ZNF646: variants seen among roughly 807,000 people sequenced by gnomAD.
ZNF646 encodes the protein zinc finger protein 646.
In ZNF646, 49 loss-of-function variants were observed where a neutral mutation model predicts 115.4. The observed-to-expected ratio is 0.42, with a 90% CI of 0.34 to 0.54. The LOEUF (loss-of-function observed/expected upper bound fraction) is 0.54. Ranked by LOEUF, ZNF646 falls within the 20% of genes least tolerant of loss-of-function variation. The pLI is 0.04. For synonymous variants in ZNF646, 933 were observed against 939.0 expected (o/e 0.99, Z 0.12); for missense variants, 2,269 against 2,457.9 (o/e 0.92, Z 1.62).
chr16:31,080,943 A>G lies in ZNF646; in HGVS notation c.4619A>G (p.Tyr1540Cys). 1 of 1,614,146 alleles carries G rather than the reference A, an allele frequency of 6.2e-7. No individual in the cohort carries two copies. The highest frequency in any genetic ancestry group is 8.5e-7 in the Non-Finnish European group (1 of 1,180,024). The change falls in exon 2 of 3, where the codon TAC becomes TGC. Residue 1540 changes from tyrosine to cysteine, a missense_variant. Physicochemically the swap from Tyr to Cys is radical, Grantham distance 194. This residue lies in a region of ZNF646 where 1,062 missense variants were observed against 1,172.8 expected (regional missense o/e 0.91). Coordinates refer to ENST00000300850, the MANE Select transcript of ZNF646 (RefSeq NM_014699.4). ...TCTTGCAGCCAGTGTGGCAAGACTT[A>G]CTGCCAGTCAGGCAGCCTCTTGAAC... is the stretch of plus-strand genomic sequence containing the variant. ...HSSCSQCGKTYCQSGSLLNHN... is the reference protein window; with the variant it reads ...HSSCSQCGKTCCQSGSLLNHN...
Position 31,081,589 on chromosome 16 carries a change from AC to A in ZNF646, c.5269del (p.Arg1757GlyfsTer43). 1.2e-6 allele frequency: 2 copies of A among 1,609,038 alleles called. No individual in the cohort carries two copies. The highest frequency in any genetic ancestry group is 1.7e-6 in the Non-Finnish European group (2 of 1,178,852). On this transcript the variant is annotated frameshift_variant, in exon 2 of 3. Transcript: ENST00000300850. LOFTEE classifies it high-confidence loss of function. ...TGGAGGGCCACGGGCGGGTCCATGC[AC>A]CCCGGGAGGGGCCTTTCACCTGCCC... ...RLEGHGRVHA[P>X]REGPFTCPHC...
Position 31,078,202 on chromosome 16 carries a change from T to C in ZNF646, c.1878T>C (p.Tyr626=). 6.2e-7 allele frequency: 1 copy of C among 1,614,086 alleles called. No individual in the cohort carries two copies. Among genetic ancestry groups the C allele is most frequent in the Non-Finnish European group, 8.5e-7 (1 of 1,180,050 alleles). Residue 626 remains tyrosine, a synonymous_variant, in exon 2 of 3, where the codon TAT becomes TAC. Transcript: ENST00000300850. ...AFACRDCGKS[Y]RHSGSLINHR... Reference sequence around the variant, plus strand: ...CCTGCCGAGACTGTGGAAAGAGCTATCGCCACTCAGGCAGCCTTATCAACC... The same window carrying C: ...CCTGCCGAGACTGTGGAAAGAGCTACCGCCACTCAGGCAGCCTTATCAACC...
chr16:31,082,514 C>A, intron 2 of ZNF646: 1 of 213,798 alleles, frequency 4.7e-6, no homozygotes, highest in Non-Finnish European at 1.0e-5. Context: ...TGTCACATCC[C>A]TGATCAGAGG....
chr16:31,082,196 C>T (rs903955367), intron 2 of ZNF646: 9 of 192,380 alleles, frequency 4.7e-5, no homozygotes, highest in East Asian at 1.6e-4. Flanking sequence ...GACTTGGCCA[C>T]GGAAACTGGT....
chr16:31,076,270 G>C lies in ZNF646; in HGVS notation c.-55G>C, dbSNP rs1002731217. 9 of 1,542,260 alleles carry C rather than the reference G, an allele frequency of 5.8e-6. No homozygotes were observed. The highest frequency in any genetic ancestry group is 1.9e-5 in the Admixed American group (1 of 51,592). Reference sequence around the variant, plus strand: ...GGCCTTGGCCCCTCCACCAGAGGAAGGTGCTGCCACGTGTCTGCTCCTTCT... The same window carrying C: ...GGCCTTGGCCCCTCCACCAGAGGAACGTGCTGCCACGTGTCTGCTCCTTCT... On this transcript the variant is annotated 5_prime_UTR_variant, in exon 2 of 3. Coordinates refer to ENST00000300850, the MANE Select transcript of ZNF646 (RefSeq NM_014699.4).
In ZNF646 at chr16:31,077,034, G is replaced by A. The variant is rs760481853; in HGVS notation, c.710G>A (p.Arg237Gln). The A allele has an allele frequency of 7.4e-6, 12 of 1,613,834 alleles. No homozygotes were observed. The highest frequency in any genetic ancestry group is 1.3e-5 in the African/African-American group (1 of 74,908). ...CAGTCCCCTCCTGCTGAGGAGGAGCGGCGGTACAAATGTAGTCAGTGTGGC... is the reference window on the plus strand; with the variant it reads ...CAGTCCCCTCCTGCTGAGGAGGAGCAGCGGTACAAATGTAGTCAGTGTGGC... ...PTQSPPAEEE[R>Q]RYKCSQCGKT... is the part of the protein sequence containing the mutation. The change falls in exon 2 of 3, where the codon CGG (arginine) becomes CAG (glutamine). Residue 237 changes from arginine (R) to glutamine (Q), a missense_variant. Arg to Gln is a conservative substitution (Grantham distance 43, BLOSUM62 1). Around this residue, in one of 5 missense-constraint regions of ZNF646, gnomAD observed 334 missense variants for 323.5 expected, o/e 1.03. Transcript: ENST00000300850.
chr16:31,081,348 G>A lies in ZNF646; in HGVS notation c.5024G>A (p.Arg1675Gln). 1.9e-6 allele frequency: 3 copies of A among 1,613,940 alleles called. No individual in the cohort carries two copies. Among genetic ancestry groups the A allele is most frequent in the Non-Finnish European group, 1.7e-6 (2 of 1,179,900 alleles). Residue 1675 changes from arginine to glutamine, a missense_variant, in exon 2 of 3, where the codon CGG becomes CAG. Coordinates refer to ENST00000300850, the MANE Select transcript of ZNF646 (RefSeq NM_014699.4). ...TCCATGGCGGCTGAGGACAAGGAGC[G>A]GCCCTTCCGCTGCACCCAGTGCGGG... ...VTSMAAEDKE[R>Q]PFRCTQCGRS... is the part of the protein sequence containing the mutation.
rs140829625 is a variant in ZNF646 at position 31,079,482 on chromosome 16, G to T, written c.3158G>T (p.Arg1053Leu). ...TTGGAGGCTCAGCCCCGCCCCTTCC[G>T]CTGCAACCAGTGTGGCAAGACCTAT... ...SLLEAQPRPF[R>L]CNQCGKTYRH... Residue 1053 changes from arginine (R) to leucine (L), a missense_variant, in exon 2 of 3, where the codon CGC becomes CTC. Coordinates refer to ENST00000300850, the MANE Select transcript of ZNF646 (RefSeq NM_014699.4). This position sits in a 1 kb window ranked among gnomAD's most constrained non-coding sequence, Gnocchi z 5.5. The T allele has an allele frequency of 1.2e-6, 2 of 1,613,392 alleles. No homozygotes were observed. The highest frequency in any genetic ancestry group is 8.5e-7 in the Non-Finnish European group (1 of 1,179,884).
chr16:31,081,844 A>T (rs1380046854), intron 2 of ZNF646, 143 bp downstream of exon 2: 2 of 1,337,084 alleles, frequency 1.5e-6, no homozygotes, highest in Admixed American at 2.9e-5. Context: ...CTATGGGGTG[A>T]GAGAAGTAGC....
chr16:31,079,291 TC>T lies in ZNF646; in HGVS notation c.2970del (p.Ser991AlafsTer21). On this transcript the variant is annotated frameshift_variant, in exon 2 of 3. Transcript: ENST00000300850. LOFTEE classifies it high-confidence loss of function. This position sits in a 1 kb window ranked among gnomAD's most constrained non-coding sequence, Gnocchi z 5.5. ...QSSGTTADKA[P>X]SPLGVAGDAM... The stretch of plus-strand genomic sequence containing the variant: ...GTTCTGGGACTACTGCAGACAAGGC[TC>T]CCAGCCCCTTGGGAGTGGCAGGTGA... 6.2e-7 allele frequency: 1 copy of T among 1,613,580 alleles called. No individual in the cohort carries two copies. The highest frequency in any genetic ancestry group is 8.5e-7 in the Non-Finnish European group (1 of 1,179,644).
rs1207702835 is a variant in ZNF646, at chr16:31,083,523, G to A, written c.*431G>A. The A allele has an allele frequency of 5.8e-6, 8 of 1,373,274 alleles. 1 individual carries two copies. In the South Asian group the frequency reaches 1.1e-4, roughly 19 times the overall value. 85.1% of individuals were successfully genotyped at this position (1,373,274 alleles called of 1,614,324 possible). Reference sequence around the variant, plus strand: ...AAATTTTCAAAACAACGTGGCTGGCGTGATTGTATCTGAAAGGGTAAAGGA... The same window carrying A: ...AAATTTTCAAAACAACGTGGCTGGCATGATTGTATCTGAAAGGGTAAAGGA... On this transcript the variant is annotated 3_prime_UTR_variant, in exon 3 of 3. Transcript: ENST00000300850.
intron 1 of ZNF646, 61 bp from the exon 2 acceptor site, chr16:31,076,185 G>T (rs561223657): frequency 8.4e-7 from 1 of 1,190,302 alleles, no homozygotes; most frequent in Non-Finnish European, 1.1e-6. Context: ...CTTGTTGCTC[G>T]TAGAGCCAAG....
Position 31,081,491 on chromosome 16 carries a change from A to T in ZNF646, c.5167A>T (p.Ser1723Cys). The change falls in exon 2 of 3, where the codon AGC (serine) becomes TGC (cysteine). Residue 1723 changes from serine (S) to cysteine (C), a missense_variant. This residue lies in a region of ZNF646 where 1,062 missense variants were observed against 1,172.8 expected (regional missense o/e 0.91). Transcript: ENST00000300850. ...TAACCTGCTGTCTCTTAAGAACCAC[A>T]GCAGGACCCACACGGACCCCAAGCG... ...LPNLLSLKNH[S>C]RTHTDPKRHC... The T allele has an allele frequency of 5.0e-6, 8 of 1,614,188 alleles. No individual in the cohort carries two copies. The highest frequency in any genetic ancestry group is 6.8e-6 in the Non-Finnish European group (8 of 1,180,030).
rs200713865 is a variant in ZNF646 at position 31,076,457 on chromosome 16, C to G, written c.133C>G (p.Pro45Ala). The change falls in exon 2 of 3, where the codon CCT becomes GCT. Residue 45 changes from proline (P) to alanine (A), a missense_variant. Transcript: ENST00000300850. The stretch of plus-strand genomic sequence containing the variant: ...GGACAGTGAGGAGGCTGACAGCATC[C>G]CTCGGCCCTACCGTTGTCAGCAGTG... Reference protein sequence around the residue: ...NQDSEEADSIPRPYRCQQCGR... With the variant: ...NQDSEEADSIARPYRCQQCGR... 1.2e-6 allele frequency: 2 copies of G among 1,614,068 alleles called. No homozygotes were observed. Among genetic ancestry groups the G allele is most frequent in the African/African-American group, 2.7e-5 (2 of 75,012 alleles).
chr16:31,073,393 C>T (rs540154326), upstream of ZNF646: 2 of 152,316 alleles, frequency 1.3e-5, no homozygotes, highest in African/African-American at 4.8e-5. Context: ...CTCTAGGACC[C>T]CCGGGACCAC....
At chr16:31,081,924 T>TG in intron 2 of ZNF646, 2 of 706,626 alleles carry the variant, frequency 2.8e-6, no homozygotes, top group Non-Finnish European at 4.6e-6. Context: ...GGGCAGCACG[T>TG]GGGGGCGTGG....
At position 31,076,254 on chromosome 16, in the gene ZNF646, C is replaced by T; in HGVS notation, c.-71C>T. On this transcript the variant is annotated 5_prime_UTR_variant, in exon 2 of 3. Transcript: ENST00000300850. ...CTGCCCCCTCTTCCTAGGCCTTGGC[C>T]CCTCCACCAGAGGAAGGTGCTGCCA... The T allele has an allele frequency of 6.5e-7, 1 of 1,533,896 alleles. No homozygotes were observed. The highest frequency in any genetic ancestry group is 8.8e-7 in the Non-Finnish European group (1 of 1,137,916).
intron 1 of ZNF646, among the ~76,000 whole-genome samples, chr16:31,075,561 G>C (rs1415468726): frequency 6.6e-6 from 1 of 152,200 alleles, no homozygotes; most frequent in African/African-American, 2.4e-5. Flanking sequence ...GCCTCCCAAA[G>C]TGCTGGGATT....
upstream of ZNF646, chr16:31,073,837 G>A (rs966985160): frequency 6.6e-6 from 1 of 152,210 alleles, no homozygotes; most frequent in Non-Finnish European, 1.5e-5. Context: ...GAAAGTTCCC[G>A]GGGAACCTCC....
Sources: allele counts gnomAD v4.1 joint callset (sites outside exome capture counted in the v4.1 genomes callset), GRCh38; gene constraint gnomAD v4.1.1; regional missense constraint gnomAD v4.1.1; non-coding constraint Gnocchi (gnomAD v3.1); transcripts MANE v1.5; gene names NCBI Gene and HGNC (gene_info 2026-07-23, HGNC 2026-07-21).